The following SYNC variants were observed in gnomAD, a reference collection of about 807,000 sequenced individuals.
The protein encoded by SYNC is syncoilin, intermediate filament protein.
A neutral mutation model predicts 49.5 loss-of-function variants in SYNC; 38 were observed. The ratio of observed to expected loss-of-function variants is 0.77; its 90% CI spans 0.59 to 1.01. SYNC has a LOEUF of 1.01. SYNC is among the 50% of genes least tolerant of loss of function. The probability of loss-of-function intolerance (pLI) is 0.00; values close to 1 mark genes in which losing one functional copy is unlikely to be tolerated. For missense variants in SYNC, 579 were observed against 580.6 expected (o/e 1.00, Z 0.03); for synonymous variants, 201 against 230.8 (o/e 0.87, Z 1.17).
intron 2 of SYNC, among the ~76,000 whole-genome samples, chr1:32,687,253 C>T (rs1375348400): frequency 1.3e-5 from 2 of 150,056 alleles, no homozygotes; most frequent in Non-Finnish European, 2.9e-5. Flanking sequence ...CTCAGCTACT[C>T]GGGAGGCTGA....
chr1:32,695,665 T>C lies in SYNC; in HGVS notation c.433A>G (p.Arg145Gly), dbSNP rs1414352409. 6.4e-7 allele frequency: 1 copy of C among 1,551,498 alleles called. No homozygotes were observed. The highest frequency in any genetic ancestry group is 8.7e-7 in the Non-Finnish European group (1 of 1,147,014). ...TCCTCAGGGTTAGATTTCTCCGCCCTTGTGACTGTCTCTCCCTCATAAACA... is the reference window on the plus strand; with the variant it reads ...TCCTCAGGGTTAGATTTCTCCGCCCCTGTGACTGTCTCTCCCTCATAAACA... ...HVVYEGETVT[R>G]AEKSNPEESL... The change falls in exon 2 of 5, where the codon AGG becomes GGG. Residue 145 changes from arginine (R) to glycine (G), a missense_variant. Physicochemically the swap from Arg to Gly is moderately radical, Grantham distance 125 (BLOSUM62 -2). Transcript: ENST00000409190.
rs1396563457 is a variant in SYNC, at chr1:32,695,605, C to T, written c.493G>A (p.Glu165Lys). Reference sequence around the variant, plus strand: ...TCCAGGTCCTCTATGCTCAGGTTCTCCTCCATGCTGGGGCTCTGCTCGGCT... The same window carrying T: ...TCCAGGTCCTCTATGCTCAGGTTCTTCTCCATGCTGGGGCTCTGCTCGGCT... ...LRAEQSPSME[E>K]NLSIEDLELL... is the part of the protein sequence containing the mutation. Residue 165 changes from glutamate to lysine, a missense_variant, in exon 2 of 5, where the codon GAG (glutamate) becomes AAG (lysine). Glu to Lys is a moderately conservative substitution (Grantham distance 56, BLOSUM62 1). Coordinates refer to ENST00000409190, the MANE Select transcript of SYNC (RefSeq NM_030786.3). 7.7e-6 allele frequency: 12 copies of T among 1,551,452 alleles called. No homozygotes were observed. Among genetic ancestry groups the T allele is most frequent in the Non-Finnish European group, 4.4e-6 (5 of 1,146,976 alleles).
At chr1:32,697,444 A>C in intron 1 of SYNC, among the ~76,000 whole-genome samples, 1 of 151,204 alleles carries the variant, frequency 6.6e-6, no homozygotes, top group Middle Eastern at 3.2e-3. Flanking sequence ...GTCTCAAAAA[A>C]AAAAAAAAGA....
In SYNC at chr1:32,696,011, T is replaced by G. The variant is rs3806248; in HGVS notation, c.87A>C (p.Pro29=). ...KTRVEANSPL[P]KNSGSLNEAE... The stretch of plus-strand genomic sequence containing the variant: ...CCTCATTTAGGGATCCAGAGTTCTT[T>G]GGAAGAGGAGAATTGGCCTCTACTC... Residue 29 remains proline, a synonymous_variant, in exon 2 of 5, where the codon CCA becomes CCC. Transcript: ENST00000409190. 60,237 of 1,538,764 alleles carry G rather than the reference T, an allele frequency of 0.039. 1,744 individuals are homozygous for G. The highest frequency in any genetic ancestry group is 0.12 in the Admixed American group (6,236 of 50,928).
intron 2 of SYNC, chr1:32,686,099 TACAC>T (rs1649811814): frequency 6.6e-6 from 1 of 152,204 alleles, no homozygotes; most frequent in African/African-American, 2.4e-5. Flanking sequence ...AAGTGTAAAA[TACAC>T]AGCAGATTTC....
chr1:32,684,520 T>C, intron 2 of SYNC, 138 bp from the exon 3 acceptor site: 1 of 1,273,622 alleles, frequency 7.9e-7, no homozygotes, highest in Non-Finnish European at 1.1e-6. Context: ...TATGATAGGT[T>C]ATGAAACAGG....
chr1:32,681,568 G>A lies in SYNC; in HGVS notation c.*282C>T. 1 of 554,036 alleles carries A rather than the reference G, an allele frequency of 1.8e-6. No homozygotes were observed. The highest frequency in any genetic ancestry group is 3.2e-5 in the Admixed American group (1 of 31,352). The allele number at this position is 554,036 out of a possible 1,614,324, so 34.3% of individuals were successfully genotyped here. On this transcript the variant is annotated 3_prime_UTR_variant, in exon 5 of 5. Transcript: ENST00000409190. ...ACTCAGTGCATATGTGAGGGTTGTT[G>A]CTGGAAGACAGGAGGCTCATCTTTC...
At chr1:32,686,862 A>G (rs142218859) in intron 2 of SYNC, among the ~76,000 whole-genome samples, 229 of 152,330 alleles carry the variant, frequency 1.5e-3, no homozygotes, top group African/African-American at 5.4e-3. Flanking sequence ...GCTCATACTC[A>G]AGGTAACAGG....
In SYNC at chr1:32,684,045, G is replaced by T; in HGVS notation, c.1403C>A (p.Thr468Asn). The change falls in exon 4 of 5, where the codon ACT (threonine) becomes AAT (asparagine). Residue 468 changes from threonine (T) to asparagine (N), a missense_variant. Transcript: ENST00000409190. ...PKSLEQADAP[T>N]SQAGGMETQS... ...TGTCTCCATTCCACCTGCCTGAGAA[G>T]TGGGAGCATCAGCCTGTTCCAGGCT... The T allele has an allele frequency of 6.2e-7, 1 of 1,614,244 alleles. No individual in the cohort carries two copies. Among genetic ancestry groups the T allele is most frequent in the East Asian group, 2.2e-5 (1 of 44,894 alleles).
intron 1 of SYNC, among the ~76,000 whole-genome samples, chr1:32,700,144 C>T (rs1303234611): frequency 6.6e-6 from 1 of 152,114 alleles, no homozygotes; most frequent in Admixed American, 6.6e-5. Context: ...CCCACGGTGT[C>T]CAGCTGAGAA....
chr1:32,683,357 C>A (rs1024214253), intron 4 of SYNC: 1 of 150,898 alleles, frequency 6.6e-6, no homozygotes, highest in East Asian at 1.9e-4. Context: ...ATATAAGGAA[C>A]TTAATGGATA....
At chr1:32,682,809 A>G (rs557141683) in intron 4 of SYNC, 1 of 152,246 alleles carries the variant, frequency 6.6e-6, no homozygotes, top group Admixed American at 6.5e-5. Flanking sequence ...AAGCTTAGGA[A>G]ATGAATAAAA....
At chr1:32,694,662 A>AAC (rs1405305599) in intron 2 of SYNC, among the ~76,000 whole-genome samples, 2 of 152,070 alleles carry the variant, frequency 1.3e-5, no homozygotes, top group East Asian at 3.9e-4. Context: ...TCAAAAAAAA[A>AAC]AAAACAAAAA....
At chr1:32,684,124 T>C (rs763507197) in intron 3 of SYNC, 35 bp from the exon 4 acceptor site, 1 of 1,610,922 alleles carries the variant, frequency 6.2e-7, no homozygotes. Context: ...CATGTGTTTT[T>C]GGATAAGCAC....
chr1:32,686,543 G>A (rs1014888575), intron 2 of SYNC, among the ~76,000 whole-genome samples: 3 of 152,180 alleles, frequency 2.0e-5, no homozygotes, highest in African/African-American at 7.2e-5. Flanking sequence ...AGCAATAGTA[G>A]TATAAAGTAA....
chr1:32,692,009 G>A (rs1167606218), intron 2 of SYNC, among the ~76,000 whole-genome samples: 1 of 152,068 alleles, frequency 6.6e-6, no homozygotes, highest in Admixed American at 6.6e-5. Context: ...GAGGCGGGCG[G>A]ATCACAAGAT....
At chr1:32,697,979 T>G (rs567672883) in intron 1 of SYNC, among the ~76,000 whole-genome samples, 1 of 152,072 alleles carries the variant, frequency 6.6e-6, no homozygotes, top group South Asian at 2.1e-4. Flanking sequence ...TGCCAGCACT[T>G]TGGGAGGCCA....
chr1:32,701,182 T>G (rs1650653839), intron 1 of SYNC, among the ~76,000 whole-genome samples: 1 of 152,148 alleles, frequency 6.6e-6, no homozygotes, highest in African/African-American at 2.4e-5. Flanking sequence ...CCCAAAGTGC[T>G]GGGATTACAG....
At chr1:32,701,218 A>G (rs951204832) in intron 1 of SYNC, among the ~76,000 whole-genome samples, 30 of 152,184 alleles carry the variant, frequency 2.0e-4, no homozygotes, top group Non-Finnish European at 5.9e-5. Context: ...CCGGGCCCAC[A>G]ATATACTTCT....
Sources: gnomAD v4.1 joint callset for allele counts (sites outside exome capture counted in the v4.1 genomes callset) on GRCh38, gnomAD v4.1.1 for gene constraint, MANE v1.5 for transcripts, NCBI Gene and HGNC (gene_info 2026-07-23, HGNC 2026-07-21) for gene names.